ANXA8: variants seen among roughly 807,000 people sequenced by gnomAD.
The protein encoded by ANXA8 is annexin A8, also known as VAC-beta.
Under a neutral mutation model 26.8 loss-of-function variants are expected in ANXA8, and 9 were observed. The ratio of observed to expected loss-of-function variants is 0.34; its 90% CI spans 0.20 to 0.59. The LOEUF (loss-of-function observed/expected upper bound fraction) is 0.59, where lower values mean the gene tolerates loss of function less well. ANXA8 is among the 20% of genes least tolerant of loss of function. ANXA8 has a pLI of 0.84. For synonymous variants in ANXA8, 39 were observed against 94.8 expected, an observed-to-expected ratio of 0.41 and a Z score of 3.42; for missense variants, 83 against 238.5, an observed-to-expected ratio of 0.35 and a Z score of 4.29.
chr10:47,967,177 A>G, the ANXA8 span, among the ~76,000 whole-genome samples: 3 of 149,058 alleles, frequency 2.0e-5, no homozygotes, highest in South Asian at 2.1e-4. Flanking sequence ...AACAGTTTCT[A>G]TCCTCTCCCC....
the ANXA8 span, among the ~76,000 whole-genome samples, chr10:47,557,030 G>A: frequency 1.1e-5 from 1 of 90,534 alleles, no homozygotes; most frequent in Non-Finnish European, 2.0e-5. Context: ...TTTTTGAGAT[G>A]GAGTCTCACT....
chr10:47,599,989 A>T, the ANXA8 span, among the ~76,000 whole-genome samples: 1 of 149,578 alleles, frequency 6.7e-6, no homozygotes, highest in African/African-American at 2.5e-5. Flanking sequence ...AATTTGAATG[A>T]TTTTCTAATC....
At chr10:47,674,346 G>A in the ANXA8 span, among the ~76,000 whole-genome samples, 2 of 151,066 alleles carry the variant, frequency 1.3e-5, no homozygotes, top group East Asian at 3.9e-4. Context: ...TGCCTAGGCT[G>A]GTCTTGAACT....
the ANXA8 span, among the ~76,000 whole-genome samples, chr10:47,534,652 ATTTTTTTT>A: frequency 4.0e-5 from 4 of 100,216 alleles, no homozygotes; most frequent in South Asian, 1.3e-3. Flanking sequence ...CCCAGTTATA[ATTTTTTTT>A]TTTTTTTTTT....
the ANXA8 span, among the ~76,000 whole-genome samples, chr10:47,939,508 C>A: frequency 6.9e-6 from 1 of 143,886 alleles, no homozygotes. Context: ...TTGTGTCCTG[C>A]CCCCAACACC....
At chr10:47,666,067 C>T in the ANXA8 span, among the ~76,000 whole-genome samples, 1 of 150,856 alleles carries the variant, frequency 6.6e-6, no homozygotes, top group Non-Finnish European at 1.5e-5. Flanking sequence ...TAGGTACAGT[C>T]AGTTCTTCAG....
chr10:47,485,175 C>G (rs1840011741), upstream of ANXA8, among the ~76,000 whole-genome samples: 1 of 152,072 alleles, frequency 6.6e-6, no homozygotes, highest in Non-Finnish European at 1.5e-5. Context: ...ATAAGCAGAG[C>G]AAAACTTTTC....
At chr10:47,733,143 A>ATCTATCTT in the ANXA8 span, among the ~76,000 whole-genome samples, 60 of 98,138 alleles carry the variant, frequency 6.1e-4, no homozygotes, top group South Asian at 2.1e-3. Flanking sequence ...CAACTCCCTA[A>ATCTATCTT]TCTTTCTTTC....
At chr10:47,621,816 G>A in the ANXA8 span, among the ~76,000 whole-genome samples, 2 of 105,862 alleles carry the variant, frequency 1.9e-5, no homozygotes, top group Non-Finnish European at 2.0e-5. Flanking sequence ...GCCTCTTGTC[G>A]GCCAAGTTTA....
chr10:47,778,888 T>A, the ANXA8 span, among the ~76,000 whole-genome samples: 71 of 136,420 alleles, frequency 5.2e-4, 3 homozygotes, highest in East Asian at 0.014. Context: ...GATGGCGGAT[T>A]TCTGCCTACA....
the ANXA8 span, among the ~76,000 whole-genome samples, chr10:47,985,322 G>A: frequency 7.2e-6 from 1 of 139,244 alleles, no homozygotes; most frequent in Non-Finnish European, 1.5e-5. Flanking sequence ...TGCTAGCAAG[G>A]ATGCAGAGAA....
chr10:47,913,851 CTG>C, the ANXA8 span, among the ~76,000 whole-genome samples: 3 of 66,386 alleles, frequency 4.5e-5, no homozygotes, highest in Non-Finnish European at 3.1e-5. Context: ...GTTGACAAGA[CTG>C]AGAATGGTCT....
At chr10:47,546,685 G>A in the ANXA8 span, among the ~76,000 whole-genome samples, 13 of 134,456 alleles carry the variant, frequency 9.7e-5, no homozygotes, top group African/African-American at 2.2e-4. Context: ...GATTACAGGC[G>A]TGAGCCACCG....
At chr10:47,502,454 TG>T in the ANXA8 span, 1 of 1,612,646 alleles carries the variant, frequency 6.2e-7, no homozygotes, top group South Asian at 1.1e-5. Flanking sequence ...TCTTCCCTCG[TG>T]GACTTTATTG....
the ANXA8 span, among the ~76,000 whole-genome samples, chr10:47,669,847 G>A: frequency 6.6e-6 from 1 of 151,488 alleles, no homozygotes; most frequent in African/African-American, 2.4e-5. Flanking sequence ...TTTTTGTTAA[G>A]CATCTTTTTT....
chr10:47,967,666 A>G, the ANXA8 span, among the ~76,000 whole-genome samples: 3 of 82,164 alleles, frequency 3.7e-5, no homozygotes, highest in East Asian at 2.9e-4. Flanking sequence ...ATGCTCCCCA[A>G]TCTTGACCAC....
the ANXA8 span, among the ~76,000 whole-genome samples, chr10:47,733,162 TTTC>T: frequency 1.0e-5 from 1 of 97,910 alleles, no homozygotes; most frequent in African/African-American, 3.3e-5. Context: ...TCTTTCTTTC[TTTC>T]TTTCTTTCTT....
chr10:47,767,947 GGA>G, the ANXA8 span, among the ~76,000 whole-genome samples: 4,182 of 147,564 alleles, frequency 0.028, 25 homozygotes, highest in African/African-American at 0.04. Context: ...CTGGAGGGGT[GGA>G]GAGAGAGGGC....
the ANXA8 span, among the ~76,000 whole-genome samples, chr10:47,548,517 T>A: frequency 6.6e-6 from 1 of 152,140 alleles, no homozygotes; most frequent in African/African-American, 2.4e-5. Context: ...GTCAGGCTGG[T>A]CTCGAACTCC....
Sources: allele counts gnomAD v4.1 joint callset (sites outside exome capture counted in the v4.1 genomes callset), GRCh38; gene constraint gnomAD v4.1.1; transcripts MANE v1.5; gene names NCBI Gene and HGNC (gene_info 2026-07-23, HGNC 2026-07-21).